The following GALNT16 variants were observed in gnomAD, a reference collection of about 807,000 sequenced individuals.
GALNT16 encodes the protein UDP-GalNAc:polypeptide N-acetylgalactosaminyltransferase-like protein 1.
In GALNT16, 40 loss-of-function variants were observed where a neutral mutation model predicts 76.1. The observed-to-expected ratio is 0.53, with a 90% CI of 0.41 to 0.68. GALNT16 has a LOEUF of 0.68. Ranked by LOEUF, GALNT16 falls within the 30% of genes least tolerant of loss-of-function variation. GALNT16 has a pLI of 0.00. For missense variants in GALNT16, 621 were observed against 731.9 expected, an observed-to-expected ratio of 0.85 and a Z score of 1.75; for synonymous variants, 276 against 285.2, an observed-to-expected ratio of 0.97 and a Z score of 0.32.
chr14:69,287,177 C>G (rs1305017820), intron 1 of GALNT16, among the ~76,000 whole-genome samples: 2 of 152,240 alleles, frequency 1.3e-5, no homozygotes, highest in Non-Finnish European at 2.9e-5. Flanking sequence ...GCATCACACC[C>G]TTCACTTTCA....
intron 12 of GALNT16, among the ~76,000 whole-genome samples, chr14:69,343,861 G>A (rs1228281811): frequency 6.6e-6 from 1 of 152,226 alleles, no homozygotes; most frequent in Non-Finnish European, 1.5e-5. Flanking sequence ...CGATCACAAG[G>A]CAGGAGAGTA....
At chr14:69,322,925 GGTGTGTGTGTGTGTGTGT>G (rs766188989) in intron 2 of GALNT16, among the ~76,000 whole-genome samples, 2,771 of 103,804 alleles carry the variant, frequency 0.027, 137 homozygotes, top group African/African-American at 0.1. Context: ...TGGCTCACGG[GGTGTGTGTGTGTGTGTGT>G]GTGTGTGTGT....
intron 1 of GALNT16, among the ~76,000 whole-genome samples, chr14:69,290,499 C>T (rs1290382177): frequency 6.6e-6 from 1 of 152,238 alleles, no homozygotes; most frequent in Non-Finnish European, 1.5e-5. Flanking sequence ...AAGATGTTGG[C>T]AGGGGCTTTG....
At chr14:69,360,359 G>GAA (rs58375781), downstream of GALNT16, among the ~76,000 whole-genome samples, 12 of 132,060 alleles carry the variant, frequency 9.1e-5, no homozygotes, top group Non-Finnish European at 9.9e-5. Flanking sequence ...ATCTCAAAAA[G>GAA]AAAAAAAAAA....
intron 9 of GALNT16, 147 bp from the exon 10 acceptor site, chr14:69,338,504 T>G: frequency 2.0e-6 from 2 of 1,012,980 alleles, no homozygotes; most frequent in Non-Finnish European, 2.9e-6. Flanking sequence ...GTGCAAGGAG[T>G]GGGAGCACTC....
chr14:69,309,547 A>G (rs969371542), intron 1 of GALNT16, among the ~76,000 whole-genome samples: 11 of 152,264 alleles, frequency 7.2e-5, no homozygotes, highest in Admixed American at 2.6e-4. Flanking sequence ...CCTGGCCTCA[A>G]GTGATCCTCC....
At chr14:69,336,551 C>T (rs1261309469) in intron 9 of GALNT16, among the ~76,000 whole-genome samples, 2 of 152,146 alleles carry the variant, frequency 1.3e-5, no homozygotes, top group African/African-American at 4.8e-5. Context: ...CTCAAATGTC[C>T]CTTTTATAGT....
chr14:69,343,372 A>G (rs2045520156), intron 12 of GALNT16, among the ~76,000 whole-genome samples: 1 of 152,240 alleles, frequency 6.6e-6, no homozygotes, highest in Admixed American at 6.5e-5. Context: ...CCTGATAATT[A>G]TAATCCCAGG....
intron 2 of GALNT16, 150 bp from the exon 3 acceptor site, chr14:69,324,542 G>T (rs909845828): frequency 6.1e-6 from 3 of 491,304 alleles, no homozygotes; most frequent in African/African-American, 5.9e-5. Flanking sequence ...GCAGCATGGG[G>T]GTGGAGGCGC....
At chr14:69,272,976 T>C (rs2044424836) in intron 1 of GALNT16, among the ~76,000 whole-genome samples, 1 of 152,196 alleles carries the variant, frequency 6.6e-6, no homozygotes, top group Admixed American at 6.5e-5. Context: ...TTTCTCAGAA[T>C]GGATAAGGAA....
chr14:69,342,873 C>CT (rs1461992344), intron 12 of GALNT16, among the ~76,000 whole-genome samples: 26 of 152,310 alleles, frequency 1.7e-4, no homozygotes, highest in African/African-American at 5.8e-4. Context: ...CCTGAACACT[C>CT]TGAGTTTGCA....
chr14:69,377,406 T>C, the GALNT16 span, among the ~76,000 whole-genome samples: 5 of 152,200 alleles, frequency 3.3e-5, no homozygotes, highest in African/African-American at 1.2e-4. Context: ...TCTCAAAGGG[T>C]TGCTGTGATG....
intron 9 of GALNT16, among the ~76,000 whole-genome samples, chr14:69,336,325 G>A (rs1254506649): frequency 1.3e-5 from 2 of 152,198 alleles, no homozygotes; most frequent in Non-Finnish European, 2.9e-5. Context: ...GGCCAGGATG[G>A]TCTCGAACTC....
At chr14:69,356,299 C>T (rs1026365424), downstream of GALNT16, 58 of 152,122 alleles carry the variant, frequency 3.8e-4, 1 homozygote, top group African/African-American at 1.2e-3. Flanking sequence ...CCCTGTGAAG[C>T]GTGGAGAAGA....
At chr14:69,375,421 T>C in the GALNT16 span, among the ~76,000 whole-genome samples, 1 of 151,828 alleles carries the variant, frequency 6.6e-6, no homozygotes, top group African/African-American at 2.4e-5. Context: ...GGTCTAAATT[T>C]ACCATATTGC....
rs558782699 is a variant in GALNT16 at position 69,262,167 on chromosome 14, G to A, written c.177+1700G>A. ...GATGCTCTGTCCCTCTTTCTGGTGA[G>A]GCGATGAGAAGAGGGTCTGAGTTGG... On this transcript the variant is annotated intron_variant, in intron 1 of 14. Coordinates refer to ENST00000448469, the MANE Select transcript of GALNT16 (RefSeq NM_001168368.2). Among the ~76,000 whole-genome samples the A allele has an allele frequency of 7.5e-4, 115 of 152,350 alleles. 1 individual carries two copies. The highest frequency in any genetic ancestry group is 2.6e-3 in the African/African-American group (107 of 41,586).
the GALNT16 span, among the ~76,000 whole-genome samples, chr14:69,371,279 A>G: frequency 1.3e-5 from 2 of 151,690 alleles, no homozygotes; most frequent in African/African-American, 2.4e-5. Flanking sequence ...TTTGAGATGG[A>G]GTCTCACTCT....
chr14:69,372,151 T>C, the GALNT16 span, among the ~76,000 whole-genome samples: 1 of 151,894 alleles, frequency 6.6e-6, no homozygotes, highest in African/African-American at 2.4e-5. Context: ...AGTGAGGAGT[T>C]AGAGCCCAAG....
chr14:69,294,833 C>T (rs920301151), intron 1 of GALNT16, among the ~76,000 whole-genome samples: 3 of 152,196 alleles, frequency 2.0e-5, no homozygotes, highest in Admixed American at 2.0e-4. Context: ...ATCCTCCTGC[C>T]TCAGCTTCCC....
Sources: gnomAD v4.1 joint callset for allele counts (sites outside exome capture counted in the v4.1 genomes callset) on GRCh38, gnomAD v4.1.1 for gene constraint, MANE v1.5 for transcripts, NCBI Gene and HGNC (gene_info 2026-07-23, HGNC 2026-07-21) for gene names.